The following LMX1B variants were observed in gnomAD, a reference collection of about 807,000 sequenced individuals.
LMX1B encodes the protein LIM homeobox transcription factor 1-beta.
LMX1B carries 12 observed loss-of-function variants against 51.4 expected under a neutral mutation model. That is an observed-to-expected ratio of 0.23 (90% CI 0.15 to 0.38). LMX1B has a LOEUF of 0.38. LMX1B is among the 10% of genes least tolerant of loss of function. LMX1B has a pLI of 1.00. For synonymous variants in LMX1B, 237 were observed against 235.4 expected, an observed-to-expected ratio of 1.01 and a Z score of -0.06; for missense variants, 445 against 571.1, an observed-to-expected ratio of 0.78 and a Z score of 2.25.
At chr9:126,629,986 A>C (rs1458548099) in intron 2 of LMX1B, among the ~76,000 whole-genome samples, 2 of 152,086 alleles carry the variant, frequency 1.3e-5, no homozygotes, top group East Asian at 3.9e-4. Flanking sequence ...TCCACTAAAA[A>C]TACAAAAAAA....
chr9:126,696,089 C>T lies in LMX1B; in HGVS notation c.1051+86C>T, dbSNP rs550866405. 5.8e-5 allele frequency: 76 copies of T among 1,316,730 alleles called. No homozygotes were observed. The African/African-American group carries it at 1.1e-3, about 18-fold the overall frequency. 81.6% of individuals were successfully genotyped at this position (1,316,730 alleles called of 1,614,324 possible). ...GCAGGCCTGGGGCCAGGACAGCCAC[C>T]TGCTGCCCTAGGGCTCAGGCAGCAT... On this transcript the variant is annotated intron_variant, in intron 7 of 7. Coordinates refer to ENST00000373474, the MANE Select transcript of LMX1B (RefSeq NM_001174147.2).
chr9:126,620,923 G>A (rs1835398584), intron 2 of LMX1B, among the ~76,000 whole-genome samples: 2 of 152,142 alleles, frequency 1.3e-5, no homozygotes, highest in African/African-American at 2.4e-5. Flanking sequence ...AGGTCTGGGG[G>A]ATTTGTCTAT....
intron 2 of LMX1B, among the ~76,000 whole-genome samples, chr9:126,635,247 A>G (rs1317996228): frequency 6.6e-6 from 1 of 152,098 alleles, no homozygotes; most frequent in Non-Finnish European, 1.5e-5. Context: ...CTAGTCAGCT[A>G]CTTGCCCCCA....
chr9:126,680,212 G>GT, intron 2 of LMX1B, among the ~76,000 whole-genome samples: 1 of 152,352 alleles, frequency 6.6e-6, no homozygotes, highest in East Asian at 1.9e-4. Context: ...GTGCAGAGTT[G>GT]TTTTGGGAGG....
intron 2 of LMX1B, among the ~76,000 whole-genome samples, chr9:126,656,743 G>A (rs922091448): frequency 3.7e-4 from 56 of 152,282 alleles, no homozygotes; most frequent in African/African-American, 1.3e-3. Flanking sequence ...AGGTTGATGT[G>A]GTGGGTCAGC....
chr9:126,640,540 C>T (rs1184354664), intron 2 of LMX1B, among the ~76,000 whole-genome samples: 1 of 152,190 alleles, frequency 6.6e-6, no homozygotes, highest in Non-Finnish European at 1.5e-5. Flanking sequence ...TGTGGGGTCT[C>T]ACCATGTTCA....
In LMX1B at chr9:126,625,491, A is replaced by C. The variant is rs1237680737; in HGVS notation, c.326+9922A>C. Among the ~76,000 whole-genome samples, 4 of 152,190 alleles carry C rather than the reference A, an allele frequency of 2.6e-5. No homozygotes were observed. The highest frequency in any genetic ancestry group is 2.9e-5 in the Non-Finnish European group (2 of 68,030). The stretch of plus-strand genomic sequence containing the variant: ...TAAAGCGGGATTGACCAGAAGAGAG[A>C]GGCCGAATGGAGATGCCAGGCTGGG... On this transcript the variant is annotated intron_variant, in intron 2 of 7. Coordinates refer to ENST00000373474, the MANE Select transcript of LMX1B (RefSeq NM_001174147.2). This position sits in a 1 kb window ranked among gnomAD's most constrained non-coding sequence, Gnocchi z 5.3.
At chr9:126,663,433 A>G (rs1588288708) in intron 2 of LMX1B, among the ~76,000 whole-genome samples, 2 of 91,372 alleles carry the variant, frequency 2.2e-5, no homozygotes, top group Admixed American at 1.1e-4. Context: ...CAAAAAAAAA[A>G]AAAAAGAAAA....
chr9:126,656,446 A>G (rs1836119565), intron 2 of LMX1B, among the ~76,000 whole-genome samples: 1 of 152,132 alleles, frequency 6.6e-6, no homozygotes, highest in Non-Finnish European at 1.5e-5. Context: ...TAGGATAGAT[A>G]GATCCTCAGA....
chr9:126,693,781 G>A lies in LMX1B; in HGVS notation c.855G>A (p.Gln285=), dbSNP rs1215590320. The change falls in exon 6 of 8, where the codon CAG becomes CAA. Residue 285 remains glutamine (Q), a synonymous_variant. Coordinates refer to ENST00000373474, the MANE Select transcript of LMX1B (RefSeq NM_001174147.2). ...KKLARRHQQQ[Q]EQQNSQRLGQ... ...TGGCGCGGCGGCACCAGCAGCAGCA[G>A]GAGCAGCAGAACTCCCAGCGGCTGG... The A allele has an allele frequency of 1.4e-6, 2 of 1,478,052 alleles. No homozygotes were observed. The highest frequency in any genetic ancestry group is 1.8e-6 in the Non-Finnish European group (2 of 1,087,278). 91.6% of individuals were successfully genotyped at this position (1,478,052 alleles called of 1,614,324 possible). A position where few individuals can be genotyped will look rare whatever the true frequency, so the allele number is the denominator to read the frequency against.
chr9:126,656,588 A>G lies in LMX1B; in HGVS notation c.327-34248A>G, dbSNP rs550351785. On this transcript the variant is annotated intron_variant, in intron 2 of 7. Transcript: ENST00000373474. ...TGATGCCTCAGGGAACTCTTGGGAC[A>G]TGGGGAGAGGTGGGAGCCTAGCTGG... is the stretch of plus-strand genomic sequence containing the variant. Among the ~76,000 whole-genome samples, 3 of 152,320 alleles carry G rather than the reference A, an allele frequency of 2.0e-5. No individual in the cohort carries two copies. In the South Asian group the frequency reaches 6.2e-4, roughly 32 times the overall value.
At chr9:126,652,737 C>T (rs1160853984) in intron 2 of LMX1B, among the ~76,000 whole-genome samples, 1 of 152,174 alleles carries the variant, frequency 6.6e-6, no homozygotes, top group Non-Finnish European at 1.5e-5. Context: ...CCTGCCAATC[C>T]CACCCATGTC....
At chr9:126,684,564 G>GC (rs1187473612) in intron 2 of LMX1B, among the ~76,000 whole-genome samples, 1 of 152,242 alleles carries the variant, frequency 6.6e-6, no homozygotes, top group East Asian at 1.9e-4. Context: ...CCGAGGCTGT[G>GC]CAGCTGGTGA....
intron 2 of LMX1B, among the ~76,000 whole-genome samples, chr9:126,675,547 A>C (rs2118954533): frequency 6.6e-6 from 1 of 151,080 alleles, no homozygotes; most frequent in East Asian, 2.0e-4. Flanking sequence ...CAACATGGTG[A>C]AACCCCGTCT....
At position 126,626,190 on chromosome 9, in the gene LMX1B, C is replaced by T. The variant is rs1220741361; in HGVS notation, c.326+10621C>T. Among the ~76,000 whole-genome samples, 2 of 152,222 alleles carry T rather than the reference C, an allele frequency of 1.3e-5. No individual in the cohort carries two copies. The highest frequency in any genetic ancestry group is 6.5e-5 in the Admixed American group (1 of 15,286). ...CGTAGAGGATCCGCTCTGGAGTCCCCGTGCGCCCTGGCAGAGGTCGGGGAC... is the reference window on the plus strand; with the variant it reads ...CGTAGAGGATCCGCTCTGGAGTCCCTGTGCGCCCTGGCAGAGGTCGGGGAC... On this transcript the variant is annotated intron_variant, in intron 2 of 7. Coordinates refer to ENST00000373474, the MANE Select transcript of LMX1B (RefSeq NM_001174147.2). The surrounding 1 kb of genome is among the most constrained non-coding windows in gnomAD (Gnocchi z 4.3).
At position 126,696,783 on chromosome 9, in the gene LMX1B, A is replaced by G. The variant is rs2030353693; in HGVS notation, c.*332A>G. ...TTTTTGGGAAGCTTAAATTCTCTCT[A>G]TTTTTTTAAATGTCCTCTCTGTGTC... On this transcript the variant is annotated 3_prime_UTR_variant, in exon 8 of 8. Transcript: ENST00000373474. 2.5e-6 allele frequency: 1 copy of G among 406,322 alleles called. No individual in the cohort carries two copies. The highest frequency in any genetic ancestry group is 5.1e-5 in the East Asian group (1 of 19,524). 25.2% of individuals were successfully genotyped at this position (406,322 alleles called of 1,614,324 possible).
intron 2 of LMX1B, among the ~76,000 whole-genome samples, chr9:126,676,537 A>G (rs955809448): frequency 3.9e-5 from 6 of 152,208 alleles, no homozygotes; most frequent in South Asian, 2.1e-4. Flanking sequence ...GAAGGATGAG[A>G]AGCATTTTGC....
chr9:126,696,090 T>C, intron 7 of LMX1B, 87 bp downstream of exon 7: 2 of 1,197,672 alleles, frequency 1.7e-6, no homozygotes, highest in African/African-American at 3.6e-5. Context: ...GACAGCCACC[T>C]GCTGCCCTAG....
intron 2 of LMX1B, among the ~76,000 whole-genome samples, chr9:126,661,891 A>G (rs1329513528): frequency 6.6e-6 from 1 of 152,184 alleles, no homozygotes; most frequent in Non-Finnish European, 1.5e-5. Context: ...CGCCTCAATC[A>G]GTCATCTCCC....
Sources: allele counts gnomAD v4.1 joint callset (sites outside exome capture counted in the v4.1 genomes callset), GRCh38; gene constraint gnomAD v4.1.1; non-coding constraint Gnocchi (gnomAD v3.1); transcripts MANE v1.5; gene names NCBI Gene and HGNC (gene_info 2026-07-23, HGNC 2026-07-21).